ZFPM2: variants seen among roughly 807,000 people sequenced by gnomAD.
ZFPM2 encodes zinc finger protein, FOG family member 2, also known as zinc finger protein ZFPM2.
Under a neutral mutation model 98.6 loss-of-function variants are expected in ZFPM2, and 20 were observed. The ratio of observed to expected loss-of-function variants is 0.20; its 90% CI spans 0.14 to 0.29. The LOEUF (loss-of-function observed/expected upper bound fraction) is 0.29, where lower values mean the gene tolerates loss of function less well. ZFPM2 is among the 10% of genes least tolerant of loss of function. The probability of loss-of-function intolerance (pLI) is 1.00; values close to 1 mark genes in which losing one functional copy is unlikely to be tolerated. For synonymous variants in ZFPM2, 518 were observed against 502.7 expected (o/e 1.03, Z -0.41); for missense variants, 1,310 against 1,388.6 (o/e 0.94, Z 0.90).
At chr8:105,610,448 T>C (rs1208771033) in intron 4 of ZFPM2, among the ~76,000 whole-genome samples, 1 of 152,112 alleles carries the variant, frequency 6.6e-6, no homozygotes, top group East Asian at 1.9e-4. Flanking sequence ...GTCAACATCT[T>C]TACCTTTAAC....
At chr8:105,762,596 A>T (rs1221443213) in intron 5 of ZFPM2, among the ~76,000 whole-genome samples, 1 of 151,994 alleles carries the variant, frequency 6.6e-6, no homozygotes, top group East Asian at 1.9e-4. Context: ...ATCAAGTTTG[A>T]CTATTAGAAA....
intron 3 of ZFPM2, among the ~76,000 whole-genome samples, chr8:105,461,126 T>C (rs997231163): frequency 6.6e-6 from 1 of 152,128 alleles, no homozygotes; most frequent in African/African-American, 2.4e-5. Flanking sequence ...GGAACTCATA[T>C]AGCTTAAGGC....
intron 5 of ZFPM2, among the ~76,000 whole-genome samples, chr8:105,712,718 CT>C (rs1311202664): frequency 1.3e-5 from 2 of 152,022 alleles, no homozygotes; most frequent in African/African-American, 4.8e-5. Flanking sequence ...CTGCACTCTC[CT>C]TTTGGAGTCC....
intron 3 of ZFPM2, among the ~76,000 whole-genome samples, chr8:105,559,636 G>C (rs1049682361): frequency 3.9e-5 from 6 of 152,198 alleles, no homozygotes; most frequent in Admixed American, 3.3e-4. Context: ...TATTTTAGCT[G>C]ATTGTAGTTT....
chr8:105,700,450 T>C (rs1218950560), intron 5 of ZFPM2, among the ~76,000 whole-genome samples: 1 of 152,242 alleles, frequency 6.6e-6, no homozygotes, highest in Non-Finnish European at 1.5e-5. Context: ...ATTAGATACC[T>C]GCTGATAAAT....
chr8:105,456,808 G>T (rs1397090743), intron 3 of ZFPM2, among the ~76,000 whole-genome samples: 1 of 152,060 alleles, frequency 6.6e-6, no homozygotes, highest in Non-Finnish European at 1.5e-5. Context: ...GAATGGCGGG[G>T]ACTACAGGCT....
In ZFPM2 at chr8:105,410,457, T is replaced by C. The variant is rs1438780397; in HGVS notation, c.41-8687T>C. The stretch of plus-strand genomic sequence containing the variant: ...TTAACCTGTACCTTGTCTGATTCAC[T>C]CTAGCAAAAGAAGGAAATATAAATC... On this transcript the variant is annotated intron_variant, in intron 1 of 7. Coordinates refer to ENST00000407775, the MANE Select transcript of ZFPM2 (RefSeq NM_012082.4). Among the ~76,000 whole-genome samples the C allele has an allele frequency of 3.9e-5, 6 of 151,912 alleles. No homozygotes were observed. In the South Asian group the frequency reaches 6.2e-4, roughly 16 times the overall value.
chr8:105,762,039 A>G (rs1256407468), intron 5 of ZFPM2, among the ~76,000 whole-genome samples: 3 of 151,922 alleles, frequency 2.0e-5, no homozygotes, highest in Non-Finnish European at 1.5e-5. Flanking sequence ...AATTCATAGC[A>G]TAAGTTAATT....
chr8:105,488,765 A>G (rs1215187433), intron 3 of ZFPM2, among the ~76,000 whole-genome samples: 2 of 152,138 alleles, frequency 1.3e-5, no homozygotes, highest in African/African-American at 4.8e-5. Flanking sequence ...CTCCATCTCA[A>G]AAAAATAAAA....
At chr8:105,622,782 A>G (rs895058551) in intron 4 of ZFPM2, among the ~76,000 whole-genome samples, 1 of 152,168 alleles carries the variant, frequency 6.6e-6, no homozygotes, top group Non-Finnish European at 1.5e-5. Context: ...CAGAATTAGT[A>G]TAGTCCTTCT....
chr8:105,677,969 A>G (rs1003950706), intron 5 of ZFPM2, among the ~76,000 whole-genome samples: 1 of 152,210 alleles, frequency 6.6e-6, no homozygotes, highest in African/African-American at 2.4e-5. Flanking sequence ...ATAAGATGTT[A>G]TCATAAATTG....
intron 1 of ZFPM2, among the ~76,000 whole-genome samples, chr8:105,412,387 C>A (rs1234008576): frequency 1.3e-5 from 2 of 151,592 alleles, no homozygotes; most frequent in East Asian, 3.9e-4. Flanking sequence ...TGAAGGACAG[C>A]AGTTGGTACA....
At chr8:105,654,105 C>A (rs1405348583) in intron 5 of ZFPM2, among the ~76,000 whole-genome samples, 1 of 150,856 alleles carries the variant, frequency 6.6e-6, no homozygotes. Context: ...TTTTGCAAAA[C>A]AAAATGCTAA....
intron 4 of ZFPM2, among the ~76,000 whole-genome samples, chr8:105,569,422 G>C (rs140148512): frequency 8.0e-4 from 122 of 152,242 alleles, no homozygotes; most frequent in African/African-American, 2.7e-3. Flanking sequence ...TGCTTCATCT[G>C]CCTAACTCAG....
At position 105,506,539 on chromosome 8, in the gene ZFPM2, T is replaced by G. The variant is rs542064166; in HGVS notation, c.302-54824T>G. On this transcript the variant is annotated intron_variant, in intron 3 of 7. Coordinates refer to ENST00000407775, the MANE Select transcript of ZFPM2 (RefSeq NM_012082.4). The stretch of plus-strand genomic sequence containing the variant: ...ACCTTCCGTCGGGAACACAATATTT[T>G]GTTTTATTGTCTTATTGGTGTCAAA... 3.5e-4 allele frequency among the ~76,000 whole-genome samples: 53 copies of G among 152,352 alleles called. 2 individuals carry two copies. The highest frequency in any genetic ancestry group is 3.3e-3 in the Admixed American group (50 of 15,298).
At chr8:105,512,591 G>A (rs1424497418) in intron 3 of ZFPM2, among the ~76,000 whole-genome samples, 2 of 152,022 alleles carry the variant, frequency 1.3e-5, no homozygotes, top group African/African-American at 4.8e-5. Flanking sequence ...TTGATTAATG[G>A]GTGGACTCCA....
chr8:105,330,401 A>G (rs1026337050), intron 1 of ZFPM2, among the ~76,000 whole-genome samples: 1 of 150,872 alleles, frequency 6.6e-6, no homozygotes, highest in Non-Finnish European at 1.5e-5. Context: ...GGTACTCATG[A>G]TAAGTCATCA....
At chr8:105,755,148 A>G (rs1193596465) in intron 5 of ZFPM2, among the ~76,000 whole-genome samples, 1 of 152,158 alleles carries the variant, frequency 6.6e-6, no homozygotes, top group Non-Finnish European at 1.5e-5. Flanking sequence ...TTTTCTAGGA[A>G]GTAAAAATCA....
intron 5 of ZFPM2, among the ~76,000 whole-genome samples, chr8:105,647,918 G>A (rs1432639431): frequency 1.3e-5 from 2 of 152,132 alleles, no homozygotes; most frequent in African/African-American, 2.4e-5. Flanking sequence ...GGGTCAAATG[G>A]TATTTCTAGT....
Sources: gnomAD v4.1 joint callset for allele counts (sites outside exome capture counted in the v4.1 genomes callset) on GRCh38, gnomAD v4.1.1 for gene constraint, MANE v1.5 for transcripts, NCBI Gene and HGNC (gene_info 2026-07-23, HGNC 2026-07-21) for gene names.